ASTN1: variants seen among roughly 807,000 people sequenced by gnomAD.
ASTN1 encodes astrotactin 1.
ASTN1 carries 41 observed loss-of-function variants against 140.7 expected under a neutral mutation model. The observed-to-expected ratio is 0.29, with a 90% confidence interval of 0.23 to 0.38. The LOEUF is 0.38. Among genes scored for constraint, ASTN1 ranks in the 10% least tolerant of loss-of-function variants. The pLI, the probability that ASTN1 is intolerant of heterozygous loss-of-function variation, is 1.00. For synonymous variants in ASTN1, 640 were observed against 652.2 expected, an observed-to-expected ratio of 0.98 and a Z score of 0.29; for missense variants, 1,479 against 1,678.8, an observed-to-expected ratio of 0.88 and a Z score of 2.08.
chr1:176,906,361 A>C (rs1051000665), intron 16 of ASTN1, among the ~76,000 whole-genome samples: 2 of 152,222 alleles, frequency 1.3e-5, no homozygotes, highest in African/African-American at 4.8e-5. Context: ...TTACTGAGCC[A>C]CAGGTTTTCA....
At chr1:177,159,632 G>A (rs570956939) in intron 1 of ASTN1, among the ~76,000 whole-genome samples, 1 of 152,272 alleles carries the variant, frequency 6.6e-6, no homozygotes, top group African/African-American at 2.4e-5. Flanking sequence ...TAAGTTCTAA[G>A]CACAAGACCA....
intron 8 of ASTN1, among the ~76,000 whole-genome samples, chr1:176,995,963 C>T (rs964778695): frequency 2.6e-5 from 4 of 152,090 alleles, no homozygotes; most frequent in African/African-American, 9.7e-5. Flanking sequence ...GCAAGGGCCC[C>T]TGAGATCTGG....
chr1:177,067,836 G>T (rs543087328), intron 1 of ASTN1, among the ~76,000 whole-genome samples: 1 of 152,294 alleles, frequency 6.6e-6, no homozygotes, highest in East Asian at 1.9e-4. Flanking sequence ...GGAGAAAGAT[G>T]CAGAGAGGAG....
At chr1:176,916,721 A>G (rs746671569) in intron 16 of ASTN1, among the ~76,000 whole-genome samples, 1 of 152,004 alleles carries the variant, frequency 6.6e-6, no homozygotes, top group Non-Finnish European at 1.5e-5. Context: ...TGACTGGTAC[A>G]CTTCCCTCTC....
At chr1:177,077,729 C>A (rs1204108975) in intron 1 of ASTN1, among the ~76,000 whole-genome samples, 1 of 152,164 alleles carries the variant, frequency 6.6e-6, no homozygotes, top group Non-Finnish European at 1.5e-5. Flanking sequence ...ATGTGTCAAT[C>A]TTGGTGACTG....
intron 16 of ASTN1, among the ~76,000 whole-genome samples, chr1:176,927,459 A>G (rs1342584255): frequency 6.6e-6 from 1 of 152,252 alleles, no homozygotes; most frequent in African/African-American, 2.4e-5. Context: ...AAAGAAAAGA[A>G]AAAGAAAAAA....
intron 14 of ASTN1, among the ~76,000 whole-genome samples, chr1:176,939,335 T>C (rs1328618604): frequency 6.6e-6 from 1 of 152,034 alleles, no homozygotes; most frequent in East Asian, 1.9e-4. Flanking sequence ...GCACAGATGT[T>C]GGGTGGGGAA....
chr1:177,017,851 C>A (rs917960239), intron 7 of ASTN1, among the ~76,000 whole-genome samples: 1 of 152,156 alleles, frequency 6.6e-6, no homozygotes, highest in African/African-American at 2.4e-5. Flanking sequence ...ATGGACAGTG[C>A]TTTTGGTCAC....
intron 1 of ASTN1, among the ~76,000 whole-genome samples, chr1:177,097,185 T>A (rs1008737946): frequency 1.3e-5 from 2 of 152,202 alleles, no homozygotes; most frequent in Non-Finnish European, 2.9e-5. Context: ...AACACTTTCA[T>A]CATTTTTACT....
intron 1 of ASTN1, among the ~76,000 whole-genome samples, chr1:177,101,952 A>G (rs1680322767): frequency 6.6e-6 from 1 of 152,214 alleles, no homozygotes; most frequent in African/African-American, 2.4e-5. Flanking sequence ...GCCCCAAGGC[A>G]AGATTGGGTC....
chr1:176,937,901 G>C (rs1390389111), intron 14 of ASTN1, among the ~76,000 whole-genome samples: 1 of 152,082 alleles, frequency 6.6e-6, no homozygotes, highest in Admixed American at 6.6e-5. Context: ...ATGAAGAGTA[G>C]GTAGGATTAA....
intron 2 of ASTN1, among the ~76,000 whole-genome samples, chr1:177,060,464 A>G (rs1678027863): frequency 6.6e-6 from 1 of 152,200 alleles, no homozygotes; most frequent in East Asian, 1.9e-4. Flanking sequence ...AGATTCTCCA[A>G]TACACTAATT....
At chr1:176,970,309 G>A in intron 8 of ASTN1, among the ~76,000 whole-genome samples, 1 of 152,228 alleles carries the variant, frequency 6.6e-6, no homozygotes, top group East Asian at 1.9e-4. Flanking sequence ...CCTAGTGAGT[G>A]AGTAAAGACC....
chr1:177,017,451 G>A (rs182761804), intron 7 of ASTN1, among the ~76,000 whole-genome samples: 1 of 152,338 alleles, frequency 6.6e-6, no homozygotes, highest in East Asian at 1.9e-4. Context: ...GGGGGAAGTT[G>A]CTATGGCAAC....
At chr1:177,027,933 C>T (rs1038498546) in intron 5 of ASTN1, among the ~76,000 whole-genome samples, 5 of 152,028 alleles carry the variant, frequency 3.3e-5, no homozygotes, top group African/African-American at 1.2e-4. Flanking sequence ...GTTTCTACCA[C>T]CTATCACAAA....
At chr1:177,047,176 C>T (rs1013554095) in intron 2 of ASTN1, among the ~76,000 whole-genome samples, 1 of 152,146 alleles carries the variant, frequency 6.6e-6, no homozygotes, top group Non-Finnish European at 1.5e-5. Flanking sequence ...AACTTCTTCA[C>T]CCAGCCCAGA....
At chr1:177,088,718 G>A (rs1679593647) in intron 1 of ASTN1, among the ~76,000 whole-genome samples, 1 of 152,070 alleles carries the variant, frequency 6.6e-6, no homozygotes, top group African/African-American at 2.4e-5. Flanking sequence ...CAAAATTTCT[G>A]CCCCTCTGCC....
chr1:177,130,284 G>A (rs1028636589), intron 1 of ASTN1, among the ~76,000 whole-genome samples: 5 of 152,282 alleles, frequency 3.3e-5, no homozygotes, highest in South Asian at 2.1e-4. Context: ...AGGGTGGTCC[G>A]TGTGACCCTG....
At chr1:177,102,752 C>T (rs1409809605) in intron 1 of ASTN1, among the ~76,000 whole-genome samples, 1 of 152,184 alleles carries the variant, frequency 6.6e-6, no homozygotes, top group Non-Finnish European at 1.5e-5. Flanking sequence ...AAAATCAGGT[C>T]TCAAAAGGTT....
Sources: gnomAD v4.1 joint callset for allele counts (sites outside exome capture counted in the v4.1 genomes callset) on GRCh38, gnomAD v4.1.1 for gene constraint, MANE v1.5 for transcripts, NCBI Gene and HGNC (gene_info 2026-07-23, HGNC 2026-07-21) for gene names.